The following ERBB2 variants were observed in gnomAD, a reference collection of about 807,000 sequenced individuals.
The protein encoded by ERBB2 is receptor tyrosine-protein kinase erbB-2.
Under a neutral mutation model 149.0 loss-of-function variants are expected in ERBB2, and 61 were observed. That is an observed-to-expected ratio of 0.41 (90% confidence interval 0.33 to 0.51). The LOEUF (loss-of-function observed/expected upper bound fraction) is 0.51. Ranked by LOEUF, ERBB2 falls within the 20% of genes least tolerant of loss-of-function variation. The pLI, the probability that ERBB2 is intolerant of heterozygous loss-of-function variation, is 0.25. For missense variants in ERBB2, 1,205 were observed against 1,655.1 expected (o/e 0.73, Z 4.72); for synonymous variants, 633 against 678.8 (o/e 0.93, Z 1.05).
chr17:39,689,416 A>T (rs1247810467), intron 2 of ERBB2, among the ~76,000 whole-genome samples: 6 of 152,344 alleles, frequency 3.9e-5, no homozygotes, highest in South Asian at 4.1e-4. Context: ...AGCTGACCGG[A>T]AATCCAGTGC....
At chr17:39,718,403 C>G (rs1376883512) in intron 15 of ERBB2, among the ~76,000 whole-genome samples, 1 of 152,248 alleles carries the variant, frequency 6.6e-6, no homozygotes, top group Non-Finnish European at 1.5e-5. Flanking sequence ...ACCGCATTGA[C>G]TTGTGTGTTC....
upstream of ERBB2, chr17:39,699,612 T>G (rs1464205306): frequency 1.5e-6 from 2 of 1,311,758 alleles, no homozygotes; most frequent in East Asian, 2.5e-5. Context: ...TCCCCCTCCT[T>G]GACTATCAAT....
chr17:39,690,102 C>G (rs1435936261), upstream of ERBB2, among the ~76,000 whole-genome samples: 2 of 151,816 alleles, frequency 1.3e-5, no homozygotes, highest in Non-Finnish European at 2.9e-5. Flanking sequence ...AATTTTTTTT[C>G]CCAGACAGCC....
At chr17:39,721,924 A>AT (rs1567910360) in intron 16 of ERBB2, among the ~76,000 whole-genome samples, 2 of 151,596 alleles carry the variant, frequency 1.3e-5, no homozygotes, top group Admixed American at 6.6e-5. Flanking sequence ...TTATTTATTT[A>AT]TTATTTATTT....
chr17:39,725,446 G>T lies in ERBB2; in HGVS notation c.2725+44G>T, dbSNP rs2143031609. 1.9e-6 allele frequency: 3 copies of T among 1,578,848 alleles called. No individual in the cohort carries two copies. The highest frequency in any genetic ancestry group is 2.6e-6 in the Non-Finnish European group (3 of 1,149,026). On this transcript the variant is annotated intron_variant, in intron 22 of 26. Transcript: ENST00000269571. The surrounding 1 kb of genome is among the most constrained non-coding windows in gnomAD (Gnocchi z 4.6). ...TGGGAGGGGTGGGTGAGGAGCCATG[G>T]CTGGAGGGAGGATGAGAGCTGGGAT...
At chr17:39,702,350 G>T (rs1167095435) in intron 1 of ERBB2, among the ~76,000 whole-genome samples, 1 of 152,180 alleles carries the variant, frequency 6.6e-6, no homozygotes, top group Non-Finnish European at 1.5e-5. Context: ...TTTACCCAAG[G>T]GGTGAGGTCT....
chr17:39,704,195 C>T (rs1317028060), intron 1 of ERBB2, among the ~76,000 whole-genome samples: 1 of 152,264 alleles, frequency 6.6e-6, no homozygotes, highest in East Asian at 1.9e-4. Flanking sequence ...ACTGTCTTTG[C>T]TCTGGAGAAT....
At chr17:39,690,749 C>T (rs142306887), upstream of ERBB2, among the ~76,000 whole-genome samples, 2 of 152,310 alleles carry the variant, frequency 1.3e-5, no homozygotes, top group East Asian at 1.9e-4. Flanking sequence ...CAGATGTGAT[C>T]CACAGTCTGA....
intron 2 of ERBB2, chr17:39,707,559 G>A (rs2058522724): frequency 6.1e-6 from 1 of 163,842 alleles, no homozygotes; most frequent in Non-Finnish European, 1.3e-5. Context: ...CTGGGTCTCA[G>A]TTTCCCTATC....
At chr17:39,699,706 G>T (rs1251144475), upstream of ERBB2, 6 of 731,924 alleles carry the variant, frequency 8.2e-6, no homozygotes, top group Admixed American at 1.4e-4. Context: ...AGCTCCCCAG[G>T]AAAGTTTAAG....
chr17:39,696,040 G>A (rs745750392), upstream of ERBB2, among the ~76,000 whole-genome samples: 18 of 151,094 alleles, frequency 1.2e-4, no homozygotes, highest in Non-Finnish European at 2.2e-4. Flanking sequence ...CCTCTCACCA[G>A]CACCCCTTTC....
At position 39,724,908 on chromosome 17, in the gene ERBB2, C is replaced by T. The variant is rs1202775982; in HGVS notation, c.2490C>T (p.Ala830=). 6.2e-7 allele frequency: 1 copy of T among 1,613,876 alleles called. No homozygotes were observed. Among genetic ancestry groups the T allele is most frequent in the South Asian group, 1.1e-5 (1 of 91,078 alleles). Residue 830 remains alanine (A), a synonymous_variant, in exon 20 of 27, where the codon GCC becomes GCT. Transcript: ENST00000269571. ...QDLLNWCMQI[A]KGMSYLEDVR... ...TGCTGAACTGGTGTATGCAGATTGC[C>T]AAGGTATGCACCTGGGCTCTTTGCA...
At chr17:39,717,517 T>A (rs748117490) in intron 15 of ERBB2, 37 bp downstream of exon 15, 1 of 1,562,474 alleles carries the variant, frequency 6.4e-7, no homozygotes, top group South Asian at 1.2e-5. Flanking sequence ...AAGGAGGACT[T>A]TCCTTTCAGG....
Position 39,725,816 on chromosome 17 carries a change from C to G in ERBB2, c.2835C>G (p.Pro945=), listed in dbSNP as rs543123530. ...AGGGGGAGCGGCTGCCCCAGCCCCC[C>G]ATCTGCACCATTGATGTCTACATGA... The part of the protein sequence containing the change: ...LEKGERLPQP[P]ICTIDVYMIM... Residue 945 remains proline, a synonymous_variant, in exon 23 of 27, where the codon CCC becomes CCG. Coordinates refer to ENST00000269571, the MANE Select transcript of ERBB2 (RefSeq NM_004448.4). This position sits in a 1 kb window ranked among gnomAD's most constrained non-coding sequence, Gnocchi z 4.6. 12 of 1,613,922 alleles carry G rather than the reference C, an allele frequency of 7.4e-6. No individual in the cohort carries two copies. Among genetic ancestry groups the G allele is most frequent in the Non-Finnish European group, 7.6e-6 (9 of 1,179,948 alleles).
Position 39,708,506 on chromosome 17 carries a change from G to A in ERBB2, c.411G>A (p.Leu137=), listed in dbSNP as rs1162607896. ...TPVTGASPGG[L]RELQLRSLTE... Reference sequence around the variant, plus strand: ...TCACAGGGGCCTCCCCAGGAGGCCTGCGGGAGCTGCAGCTTCGAAGCCTCA... The same window carrying A: ...TCACAGGGGCCTCCCCAGGAGGCCTACGGGAGCTGCAGCTTCGAAGCCTCA... The change falls in exon 3 of 27, where the codon CTG becomes CTA. Residue 137 remains leucine, a synonymous_variant. Coordinates refer to ENST00000269571, the MANE Select transcript of ERBB2 (RefSeq NM_004448.4). 6.2e-7 allele frequency: 1 copy of A among 1,613,894 alleles called. No homozygotes were observed. Among genetic ancestry groups the A allele is most frequent in the African/African-American group, 1.3e-5 (1 of 74,916 alleles).
At chr17:39,704,529 C>T (rs940051659) in intron 1 of ERBB2, among the ~76,000 whole-genome samples, 3 of 152,070 alleles carry the variant, frequency 2.0e-5, no homozygotes, top group African/African-American at 2.4e-5. Flanking sequence ...GCCGAGATTG[C>T]GCCACTGCAC....
upstream of ERBB2, among the ~76,000 whole-genome samples, chr17:39,692,046 G>A (rs1049673534): frequency 6.6e-6 from 1 of 150,788 alleles, no homozygotes; most frequent in Non-Finnish European, 1.5e-5. Context: ...GTAGAGACAG[G>A]GCTTCACCAT....
upstream of ERBB2, among the ~76,000 whole-genome samples, chr17:39,691,940 T>TATAC (rs1567886342): frequency 5.0e-5 from 6 of 118,854 alleles, no homozygotes; most frequent in African/African-American, 2.2e-4. Context: ...TATACATATA[T>TATAC]ATATATATAT....
intron 15 of ERBB2, 83 bp from the exon 16 acceptor site, chr17:39,719,704 C>T (rs2059345030): frequency 2.1e-6 from 3 of 1,424,190 alleles, no homozygotes. Context: ...AGCCACACCC[C>T]TCCCAGGGTT....
Sources: allele counts gnomAD v4.1 joint callset (sites outside exome capture counted in the v4.1 genomes callset), GRCh38; gene constraint gnomAD v4.1.1; non-coding constraint Gnocchi (gnomAD v3.1); transcripts MANE v1.5; gene names NCBI Gene and HGNC (gene_info 2026-07-23, HGNC 2026-07-21).